The following ABCC1 variants were observed in gnomAD, a reference collection of about 807,000 sequenced individuals.
ABCC1 encodes the protein multidrug resistance-associated protein 1.
Under a neutral mutation model 172.9 loss-of-function variants are expected in ABCC1, and 83 were observed. The ratio of observed to expected loss-of-function variants is 0.48; its 90% confidence interval spans 0.40 to 0.58. The LOEUF (loss-of-function observed/expected upper bound fraction) is 0.58. Among genes scored for constraint, ABCC1 ranks in the 20% least tolerant of loss-of-function variants. The pLI, the probability that ABCC1 is intolerant of heterozygous loss-of-function variation, is 0.00. For missense variants in ABCC1, 1,817 were observed against 2,002.7 expected (o/e 0.91, Z 1.77); for synonymous variants, 937 against 825.2 (o/e 1.14, Z -2.32).
In ABCC1 at chr16:16,036,499, C is replaced by T; in HGVS notation, c.705C>T (p.Pro235=). The T allele has an allele frequency of 6.2e-7, 1 of 1,613,914 alleles. No individual in the cohort carries two copies. The highest frequency in any genetic ancestry group is 8.5e-7 in the Non-Finnish European group (1 of 1,179,902). The change falls in exon 7 of 31, where the codon CCC becomes CCT. Residue 235 remains proline, a synonymous_variant. Transcript: ENST00000399410. ...TGLIVRGYRQ[P]LEGSDLWSLN... is the part of the protein sequence containing the mutation. ...TGATTGTCCGGGGCTACCGCCAGCC[C>T]CTGGAGGGCAGTGACCTCTGGTCCT...
At chr16:16,013,135 A>G (rs2047856224) in intron 3 of ABCC1, among the ~76,000 whole-genome samples, 9 of 152,092 alleles carry the variant, frequency 5.9e-5, no homozygotes, top group Admixed American at 5.9e-4. Flanking sequence ...GCCTCTCTTT[A>G]TCTACCTGAG....
chr16:16,083,993 G>T (rs184936602), intron 17 of ABCC1, among the ~76,000 whole-genome samples: 5 of 152,326 alleles, frequency 3.3e-5, no homozygotes, highest in Admixed American at 3.3e-4. Flanking sequence ...GAGGAGGGGA[G>T]TCGATGATTC....
At chr16:15,975,784 A>G (rs1197434061) in intron 1 of ABCC1, among the ~76,000 whole-genome samples, 1 of 151,682 alleles carries the variant, frequency 6.6e-6, no homozygotes, top group Non-Finnish European at 1.5e-5. Flanking sequence ...TGGAACTCCC[A>G]ACCTCAGGTG....
At chr16:16,083,588 C>G (rs45532038) in intron 17 of ABCC1, 46 bp downstream of exon 17, 1 of 1,584,936 alleles carries the variant, frequency 6.3e-7, no homozygotes, top group South Asian at 1.1e-5. Context: ...CAGCTGTTGC[C>G]GCGTAACAAA....
intron 3 of ABCC1, among the ~76,000 whole-genome samples, chr16:16,010,148 A>G (rs2047723821): frequency 6.9e-6 from 1 of 144,058 alleles, no homozygotes; most frequent in South Asian, 2.1e-4. Flanking sequence ...GCCTCAAGCA[A>G]TCCTCCTACC....
chr16:16,101,272 G>A (rs796815690), intron 19 of ABCC1, among the ~76,000 whole-genome samples: 5 of 152,202 alleles, frequency 3.3e-5, no homozygotes, highest in African/African-American at 9.6e-5. Context: ...GGCCTCAAGC[G>A]ATCTGCCCGC....
intron 12 of ABCC1, among the ~76,000 whole-genome samples, chr16:16,066,613 T>C (rs573983227): frequency 1.3e-5 from 2 of 152,154 alleles, no homozygotes; most frequent in South Asian, 4.2e-4. Flanking sequence ...AAAGAATATC[T>C]CTGGGCTGGG....
At chr16:16,016,410 T>A (rs2047998886) in intron 4 of ABCC1, 86 bp from the exon 5 acceptor site, 3 of 1,553,118 alleles carry the variant, frequency 1.9e-6, no homozygotes, top group Non-Finnish European at 2.6e-6. Context: ...TGTCTCGGCC[T>A]CCAAAAGTGC....
intron 29 of ABCC1, among the ~76,000 whole-genome samples, chr16:16,137,083 C>G (rs935499189): frequency 6.6e-6 from 1 of 152,202 alleles, no homozygotes; most frequent in African/African-American, 2.4e-5. Flanking sequence ...CCTCTGGGGT[C>G]CTGCTTTGGT....
intron 1 of ABCC1, among the ~76,000 whole-genome samples, chr16:16,007,222 G>GTT (rs2151720998): frequency 6.6e-6 from 1 of 151,466 alleles, no homozygotes; most frequent in Admixed American, 6.6e-5. Flanking sequence ...TGTTGTGTGT[G>GTT]TGTGTGTGTG....
chr16:16,118,071 G>C (rs947708558), intron 23 of ABCC1, among the ~76,000 whole-genome samples: 2 of 152,218 alleles, frequency 1.3e-5, no homozygotes, highest in Non-Finnish European at 2.9e-5. Context: ...GACAGGTGGA[G>C]CATCTTGCTA....
At chr16:16,042,173 GT>G (rs57457665) in intron 7 of ABCC1, among the ~76,000 whole-genome samples, 20,488 of 133,656 alleles carry the variant, frequency 0.15, 1,526 homozygotes, top group Admixed American at 0.17. Context: ...GAGTTTGGCA[GT>G]TTTTTTTTTT....
At chr16:16,113,768 C>T (rs2044727801) in intron 22 of ABCC1, among the ~76,000 whole-genome samples, 2 of 152,342 alleles carry the variant, frequency 1.3e-5, no homozygotes, top group South Asian at 4.1e-4. Flanking sequence ...ACAGCGATCC[C>T]TAGCCTTTTT....
chr16:16,127,587 A>G (rs750064674), intron 26 of ABCC1, among the ~76,000 whole-genome samples: 5 of 152,196 alleles, frequency 3.3e-5, no homozygotes, highest in East Asian at 1.9e-4. Context: ...CCAAGATCAC[A>G]TGGCTGGTAA....
At chr16:16,135,252 G>T (rs1184818942) in intron 28 of ABCC1, among the ~76,000 whole-genome samples, 1 of 152,074 alleles carries the variant, frequency 6.6e-6, no homozygotes, top group African/African-American at 2.4e-5. Flanking sequence ...GGCTTCTATG[G>T]ATCTCATCAC....
At chr16:16,071,095 A>G (rs2050328279) in intron 13 of ABCC1, among the ~76,000 whole-genome samples, 1 of 150,774 alleles carries the variant, frequency 6.6e-6, no homozygotes, top group South Asian at 2.1e-4. Flanking sequence ...TTATTTATTT[A>G]TTTTTTGAAA....
chr16:15,975,356 G>C (rs2046462045), intron 1 of ABCC1, among the ~76,000 whole-genome samples: 1 of 152,024 alleles, frequency 6.6e-6, no homozygotes, highest in Non-Finnish European at 1.5e-5. Context: ...GTTTTTTGCT[G>C]TTGTGAAATG....
intron 12 of ABCC1, among the ~76,000 whole-genome samples, chr16:16,066,942 G>A (rs2050135436): frequency 6.6e-6 from 1 of 151,714 alleles, no homozygotes; most frequent in Non-Finnish European, 1.5e-5. Flanking sequence ...TGCCAGTGTT[G>A]CGTTACCGCT....
At chr16:16,058,083 G>C (rs1179173898) in intron 12 of ABCC1, among the ~76,000 whole-genome samples, 1 of 152,042 alleles carries the variant, frequency 6.6e-6, no homozygotes, top group Non-Finnish European at 1.5e-5. Flanking sequence ...GAAAGTTCTG[G>C]TACCTGTCCT....
Sources: allele counts gnomAD v4.1 joint callset (sites outside exome capture counted in the v4.1 genomes callset), GRCh38; gene constraint gnomAD v4.1.1; transcripts MANE v1.5; gene names NCBI Gene and HGNC (gene_info 2026-07-23, HGNC 2026-07-21).